TXK: variants seen among roughly 807,000 people sequenced by gnomAD.
The protein encoded by TXK is tyrosine-protein kinase TXK.
TXK carries 60 observed loss-of-function variants against 81.0 expected under a neutral mutation model. That is an observed-to-expected ratio of 0.74 (90% CI 0.60 to 0.92). TXK has a LOEUF of 0.92. TXK is among the 40% of genes least tolerant of loss of function. The probability of loss-of-function intolerance (pLI) is 0.00; values close to 1 mark genes in which losing one functional copy is unlikely to be tolerated. For synonymous variants in TXK, 203 were observed against 210.7 expected (o/e 0.96, Z 0.32); for missense variants, 581 against 638.3 (o/e 0.91, Z 0.97).
intron 14 of TXK, among the ~76,000 whole-genome samples, chr4:48,068,264 T>C (rs1434683769): frequency 1.3e-5 from 2 of 152,134 alleles, no homozygotes; most frequent in Non-Finnish European, 2.9e-5. Flanking sequence ...TAGAGATATA[T>C]TTGAATGACT....
At chr4:48,093,990 G>A (rs1357373883) in intron 8 of TXK, 87 bp downstream of exon 8, 13 of 1,513,498 alleles carry the variant, frequency 8.6e-6, no homozygotes, top group African/African-American at 1.4e-5. Context: ...AGGGAGATTT[G>A]CTCCTGTTGA....
At chr4:48,127,285 T>G (rs1719114362) in intron 1 of TXK, among the ~76,000 whole-genome samples, 1 of 152,220 alleles carries the variant, frequency 6.6e-6, no homozygotes, top group African/African-American at 2.4e-5. Context: ...ATTTACAGGT[T>G]GAAGTGTTGG....
At chr4:48,131,189 A>G (rs1221605248) in intron 1 of TXK, among the ~76,000 whole-genome samples, 1 of 152,174 alleles carries the variant, frequency 6.6e-6, no homozygotes, top group East Asian at 1.9e-4. Context: ...ATCTCCCATC[A>G]GTATGATCAA....
chr4:48,088,562 C>T lies in TXK; in HGVS notation c.784+1188G>A, dbSNP rs190852348. Among the ~76,000 whole-genome samples, 288 of 152,236 alleles carry T rather than the reference C, an allele frequency of 1.9e-3. 1 individual carries two copies. Among genetic ancestry groups the T allele is most frequent in the African/African-American group, 6.6e-3 (276 of 41,552 alleles). The stretch of plus-strand genomic sequence containing the variant: ...GTAATGAGGTGAGGAGGAAGCCAGA[C>T]ACAAAAAACTGCAGCGTCCGATTCT... On this transcript the variant is annotated intron_variant, in intron 9 of 14. Transcript: ENST00000264316.
intron 1 of TXK, among the ~76,000 whole-genome samples, chr4:48,114,913 T>A (rs1718756394): frequency 6.6e-6 from 1 of 152,210 alleles, no homozygotes; most frequent in South Asian, 2.1e-4. Context: ...AGCTGCATGT[T>A]AGAATTATCT....
chr4:48,129,924 G>A (rs560773941), intron 1 of TXK, among the ~76,000 whole-genome samples: 2 of 152,202 alleles, frequency 1.3e-5, no homozygotes, highest in African/African-American at 2.4e-5. Context: ...CAAGGCACAC[G>A]GGCGTGGCTG....
chr4:48,081,613 A>ACC (rs1380873854), intron 10 of TXK, among the ~76,000 whole-genome samples: 4 of 152,056 alleles, frequency 2.6e-5, no homozygotes, highest in Non-Finnish European at 4.4e-5. Flanking sequence ...TCCTTTTCTA[A>ACC]TCATTCTCTT....
intron 6 of TXK, among the ~76,000 whole-genome samples, chr4:48,101,587 T>A (rs963468112): frequency 6.6e-6 from 1 of 152,020 alleles, no homozygotes; most frequent in Non-Finnish European, 1.5e-5. Flanking sequence ...GGTGTATTTT[T>A]AAAATAAAAA....
At chr4:48,113,179 C>T (rs1227225415) in intron 3 of TXK, 28 bp downstream of exon 3, 3 of 1,547,726 alleles carry the variant, frequency 1.9e-6, no homozygotes, top group African/African-American at 2.7e-5. Context: ...TTCTCCATTC[C>T]CCTCTTGCCT....
At chr4:48,105,438 T>G (rs1195898839) in intron 5 of TXK, among the ~76,000 whole-genome samples, 1 of 152,174 alleles carries the variant, frequency 6.6e-6, no homozygotes, top group Non-Finnish European at 1.5e-5. Flanking sequence ...TAGTCAGTAG[T>G]TAGTAGATGT....
chr4:48,125,334 C>T (rs1417831256), intron 1 of TXK, among the ~76,000 whole-genome samples: 2 of 152,210 alleles, frequency 1.3e-5, no homozygotes, highest in South Asian at 2.1e-4. Flanking sequence ...TTCCCTAGAA[C>T]TCATTCAGCA....
chr4:48,121,636 T>C (rs946647800), intron 1 of TXK, among the ~76,000 whole-genome samples: 6 of 152,210 alleles, frequency 3.9e-5, no homozygotes, highest in African/African-American at 1.4e-4. Context: ...TAATACAATG[T>C]AAATGCTATG....
At position 48,073,991 on chromosome 4, in the gene TXK, G is replaced by C. The variant is rs1426751065; in HGVS notation, c.1301C>G (p.Pro434Arg). Residue 434 changes from proline to arginine, a missense_variant, in exon 13 of 15, where the codon CCT (proline) becomes CGT (arginine). Transcript: ENST00000264316. ...FGAKFPIKWSPPEVFLFNKYS... is the reference protein window; with the variant it reads ...FGAKFPIKWSRPEVFLFNKYS... ...CTTATTGAAAAGAAAAACTTCAGGA[G>C]GGGACCACTTGATTGGGAACTTGGC... The C allele has an allele frequency of 6.2e-7, 1 of 1,613,822 alleles. No homozygotes were observed. The highest frequency in any genetic ancestry group is 8.5e-7 in the Non-Finnish European group (1 of 1,179,926).
intron 5 of TXK, among the ~76,000 whole-genome samples, chr4:48,106,425 T>C (rs1718461814): frequency 1.3e-5 from 2 of 152,002 alleles, no homozygotes; most frequent in Non-Finnish European, 2.9e-5. Context: ...ACTGTAACTC[T>C]TAGACAACTC....
At chr4:48,111,509 T>C (rs1343546160) in intron 4 of TXK, among the ~76,000 whole-genome samples, 1 of 152,228 alleles carries the variant, frequency 6.6e-6, no homozygotes, top group African/African-American at 2.4e-5. Flanking sequence ...TTTTTAAGTC[T>C]GAGGCATGCC....
At chr4:48,067,758 G>A (rs1331641711) in intron 14 of TXK, 53 bp from the exon 15 acceptor site, 1 of 1,560,408 alleles carries the variant, frequency 6.4e-7, no homozygotes, top group South Asian at 1.1e-5. Context: ...TTATGCCAAG[G>A]GTTCCATTTT....
chr4:48,112,398 C>A lies in TXK; in HGVS notation c.289G>T (p.Glu97Ter). Residue 97 changes from glutamate (E) to a stop codon, truncating the protein, a stop_gained, in exon 4 of 15, where the codon GAA becomes TAA. Transcript: ENST00000264316. LOFTEE classifies it high-confidence loss of function. ...VKALYDFLPR[E>*]PCNLALRRAE... Reference sequence around the variant, plus strand: ...CTCCTTAAGGCTAAATTACAGGGTTCTCTGGGCAGAAAATCATAAAGTGCC... The same window carrying A: ...CTCCTTAAGGCTAAATTACAGGGTTATCTGGGCAGAAAATCATAAAGTGCC... The A allele has an allele frequency of 1.2e-6, 2 of 1,614,198 alleles. No individual in the cohort carries two copies. Among genetic ancestry groups the A allele is most frequent in the South Asian group, 1.1e-5 (1 of 91,080 alleles).
intron 1 of TXK, among the ~76,000 whole-genome samples, chr4:48,132,512 G>A (rs1446753592): frequency 6.6e-6 from 1 of 152,172 alleles, no homozygotes; most frequent in African/African-American, 2.4e-5. Context: ...ACAGTTGGCA[G>A]CTTTATATGT....
At chr4:48,070,956 T>C (rs937802252) in intron 14 of TXK, among the ~76,000 whole-genome samples, 2 of 143,676 alleles carry the variant, frequency 1.4e-5, no homozygotes, top group African/African-American at 5.3e-5. Flanking sequence ...TGGAGTGCAG[T>C]GGCGCCATCT....
Sources: allele counts gnomAD v4.1 joint callset (sites outside exome capture counted in the v4.1 genomes callset), GRCh38; gene constraint gnomAD v4.1.1; transcripts MANE v1.5; gene names NCBI Gene and HGNC (gene_info 2026-07-23, HGNC 2026-07-21).